Variants in ROBO1 observed in about 807,000 individuals in gnomAD.
ROBO1 encodes the protein roundabout guidance receptor 1, also known as roundabout homolog 1.
A neutral mutation model predicts 195.9 loss-of-function variants in ROBO1; 149 were observed. The ratio of observed to expected loss-of-function variants is 0.76; its 90% CI spans 0.67 to 0.87. The LOEUF is 0.87. Ranked by LOEUF, ROBO1 falls within the 40% of genes least tolerant of loss-of-function variation. The probability of loss-of-function intolerance (pLI) is 0.00; values close to 1 mark genes in which losing one functional copy is unlikely to be tolerated. For synonymous variants in ROBO1, 816 were observed against 733.2 expected, an observed-to-expected ratio of 1.11 and a Z score of -1.82; for missense variants, 1,933 against 2,068.3, an observed-to-expected ratio of 0.93 and a Z score of 1.27.
intron 2 of ROBO1, among the ~76,000 whole-genome samples, chr3:79,477,797 T>C (rs960433637): frequency 6.6e-6 from 1 of 152,208 alleles, no homozygotes; most frequent in Non-Finnish European, 1.5e-5. Context: ...ATTATGTAAT[T>C]ATTAAACAAG....
At chr3:78,627,718 C>G in intron 25 of ROBO1, 149 bp from the exon 26 acceptor site, 1 of 895,234 alleles carries the variant, frequency 1.1e-6, no homozygotes, top group Non-Finnish European at 1.6e-6. Context: ...GGTTTTACCT[C>G]ACAAGGTTTG....
At chr3:79,025,996 TA>T (rs1376227152) in intron 3 of ROBO1, among the ~76,000 whole-genome samples, 1 of 152,178 alleles carries the variant, frequency 6.6e-6, no homozygotes, top group East Asian at 1.9e-4. Context: ...TTAACATCCT[TA>T]CATCATTAGA....
At chr3:79,433,580 T>TG (rs976935831) in intron 2 of ROBO1, among the ~76,000 whole-genome samples, 3 of 152,070 alleles carry the variant, frequency 2.0e-5, no homozygotes, top group African/African-American at 7.2e-5. Flanking sequence ...CAAGGTTCCA[T>TG]GTTCATGGGT....
intron 21 of ROBO1, among the ~76,000 whole-genome samples, chr3:78,641,305 G>T (rs1311297487): frequency 1.3e-5 from 2 of 152,088 alleles, no homozygotes; most frequent in African/African-American, 4.8e-5. Flanking sequence ...TAGCAGGCTG[G>T]CCCTAGACTT....
At chr3:78,693,218 G>T in intron 8 of ROBO1, 1 of 1,227,146 alleles carries the variant, frequency 8.1e-7, no homozygotes, top group Non-Finnish European at 1.1e-6. Flanking sequence ...CTGTCTTTGT[G>T]GCCAATGACA....
At position 78,906,920 on chromosome 3, in the gene ROBO1, G is replaced by A. The variant is rs141352001; in HGVS notation, c.499+31681C>T. Among the ~76,000 whole-genome samples the A allele has an allele frequency of 4.9e-4, 74 of 152,026 alleles. 1 individual carries two copies. In the East Asian group the frequency reaches 0.013, roughly 27 times the overall value. On this transcript the variant is annotated intron_variant, in intron 4 of 30. Coordinates refer to ENST00000464233, the MANE Select transcript of ROBO1 (RefSeq NM_002941.4). ...TTTTGCAAATTTATTTAAATGTCTT[G>A]TTTAATGAGTAGACAGATTCTTCTA... is the stretch of plus-strand genomic sequence containing the variant.
At chr3:78,711,985 C>A (rs2081763493) in intron 8 of ROBO1, among the ~76,000 whole-genome samples, 1 of 85,660 alleles carries the variant, frequency 1.2e-5, no homozygotes, top group African/African-American at 4.5e-5. Context: ...GTCTAGAAAA[C>A]AGCAGAATTT....
At chr3:79,184,260 C>T (rs1182195299) in intron 2 of ROBO1, among the ~76,000 whole-genome samples, 1 of 152,186 alleles carries the variant, frequency 6.6e-6, no homozygotes, top group African/African-American at 2.4e-5. Flanking sequence ...TGTTTGCTCA[C>T]ATTTGTTCCC....
intron 2 of ROBO1, among the ~76,000 whole-genome samples, chr3:79,575,627 C>T (rs2107768211): frequency 6.8e-6 from 1 of 147,506 alleles, no homozygotes; most frequent in East Asian, 2.0e-4. Flanking sequence ...ACTTCACCAA[C>T]ACTGTAGAAA....
intron 1 of ROBO1, among the ~76,000 whole-genome samples, chr3:79,655,241 T>C (rs1021349756): frequency 3.3e-5 from 5 of 152,100 alleles, no homozygotes; most frequent in African/African-American, 1.2e-4. Flanking sequence ...TAATTTGTTA[T>C]CATATTATGA....
At chr3:78,859,546 TA>T (rs1275110655) in intron 4 of ROBO1, among the ~76,000 whole-genome samples, 2 of 152,082 alleles carry the variant, frequency 1.3e-5, no homozygotes, top group African/African-American at 4.8e-5. Flanking sequence ...ACCAAGGGAA[TA>T]TAGAGGAAGA....
chr3:79,548,286 GT>G (rs1942347273), intron 2 of ROBO1, among the ~76,000 whole-genome samples: 1 of 152,134 alleles, frequency 6.6e-6, no homozygotes, highest in Non-Finnish European at 1.5e-5. Flanking sequence ...TTTTGGAAAA[GT>G]TCCATTAATT....
intron 1 of ROBO1, among the ~76,000 whole-genome samples, chr3:79,733,703 A>G (rs771742935): frequency 1.3e-5 from 2 of 152,138 alleles, no homozygotes; most frequent in Non-Finnish European, 2.9e-5. Flanking sequence ...CAATCATGGT[A>G]TAGGAGTATT....
chr3:79,744,670 G>A (rs906881352), intron 1 of ROBO1, among the ~76,000 whole-genome samples: 8 of 152,066 alleles, frequency 5.3e-5, no homozygotes, highest in South Asian at 4.1e-4. Flanking sequence ...TAAGCCACCC[G>A]GTTTATTGTA....
intron 2 of ROBO1, among the ~76,000 whole-genome samples, chr3:79,562,523 T>C (rs1328668373): frequency 6.6e-6 from 1 of 152,052 alleles, no homozygotes; most frequent in Non-Finnish European, 1.5e-5. Context: ...AGTATGACTT[T>C]ATTGTAAACT....
chr3:78,627,808 TA>T (rs1207030453), intron 25 of ROBO1, among the ~76,000 whole-genome samples: 1 of 152,162 alleles, frequency 6.6e-6, no homozygotes, highest in Non-Finnish European at 1.5e-5. Flanking sequence ...AGTCATGCAA[TA>T]AAAAAATTCA....
chr3:78,894,912 C>T (rs538724589), intron 4 of ROBO1, among the ~76,000 whole-genome samples: 14 of 152,320 alleles, frequency 9.2e-5, no homozygotes, highest in African/African-American at 2.4e-4. Flanking sequence ...CTGGAGCACA[C>T]GGAACAAAGC....
At chr3:79,354,383 A>C (rs949655520) in intron 2 of ROBO1, among the ~76,000 whole-genome samples, 3 of 152,088 alleles carry the variant, frequency 2.0e-5, no homozygotes, top group African/African-American at 7.2e-5. Context: ...CTTCCTCCTG[A>C]TTCTTCTGCT....
intron 2 of ROBO1, among the ~76,000 whole-genome samples, chr3:79,481,353 A>G (rs1439649510): frequency 6.6e-6 from 1 of 152,158 alleles, no homozygotes; most frequent in African/African-American, 2.4e-5. Flanking sequence ...TGCACCAGCT[A>G]ATTAAAAAAA....
Sources: gnomAD v4.1 joint callset for allele counts (sites outside exome capture counted in the v4.1 genomes callset) on GRCh38, gnomAD v4.1.1 for gene constraint, MANE v1.5 for transcripts, NCBI Gene and HGNC (gene_info 2026-07-23, HGNC 2026-07-21) for gene names.